Variants in COL6A5 observed in about 807,000 individuals in gnomAD.
COL6A5 encodes the protein collagen alpha-5(VI) chain.
A neutral mutation model predicts 65.6 loss-of-function variants in COL6A5; 48 were observed. That is an observed-to-expected ratio of 0.73 (90% CI 0.58 to 0.93). The LOEUF is 0.93. Among genes scored for constraint, COL6A5 ranks in the 40% least tolerant of loss-of-function variants. The probability of loss-of-function intolerance (pLI) is 0.00; values close to 1 mark genes in which losing one functional copy is unlikely to be tolerated. For missense variants in COL6A5, 914 were observed against 928.3 expected (o/e 0.98, Z 0.20); for synonymous variants, 291 against 322.8 (o/e 0.90, Z 1.05).
At chr3:130,367,624 T>C (rs558296314) in intron 1 of COL6A5, among the ~76,000 whole-genome samples, 1 of 152,340 alleles carries the variant, frequency 6.6e-6, no homozygotes, top group South Asian at 2.1e-4. Flanking sequence ...TTGTCTGTTT[T>C]GTCCACGGCT....
At chr3:130,456,005 G>C (rs549171241) in intron 5 of COL6A5, among the ~76,000 whole-genome samples, 11 of 151,984 alleles carry the variant, frequency 7.2e-5, no homozygotes, top group Non-Finnish European at 1.3e-4. Flanking sequence ...ACTTTTTTTT[G>C]GGGGGAGGAA....
chr3:130,480,681 A>G lies in COL6A5; in HGVS notation c.2329-3354A>G, dbSNP rs1294893518. Among the ~76,000 whole-genome samples the G allele has an allele frequency of 5.3e-5, 8 of 152,270 alleles. No homozygotes were observed. In the East Asian group the frequency reaches 1.2e-3, roughly 22 times the overall value. On this transcript the variant is annotated intron_variant, in intron 7 of 7. Coordinates refer to ENST00000512836, the Ensembl canonical transcript of COL6A5. ...CTTAAACTCATAACGAAAAAAATAG[A>G]TATTTAAAATGTCCAAGGCAAGAAG...
At chr3:130,352,161 G>A (rs1468948745) in intron 1 of COL6A5, among the ~76,000 whole-genome samples, 2 of 152,180 alleles carry the variant, frequency 1.3e-5, no homozygotes, top group Non-Finnish European at 2.9e-5. Context: ...CTGTCAGCAG[G>A]TGTGGGGCTG....
chr3:130,435,698 T>C (rs192456075), intron 1 of COL6A5, among the ~76,000 whole-genome samples: 2 of 152,274 alleles, frequency 1.3e-5, no homozygotes, highest in African/African-American at 4.8e-5. Context: ...TTTGTGGTGA[T>C]TGTAAATGGG....
At position 130,426,391 on chromosome 3, in the gene COL6A5, C is replaced by T. The variant is rs568404625; in HGVS notation, c.5224C>T (p.Arg1742Trp). Residue 1742 changes from arginine (R) to tryptophan (W), a missense_variant and NMD_transcript_variant, in exon 31 of 42, where the codon CGG (arginine) becomes TGG (tryptophan). Physicochemically the swap from Arg to Trp is moderately radical, Grantham distance 101 (BLOSUM62 -3). Coordinates refer to the COL6A5 transcript ENST00000312481. ...GCAATGTGATCTGATCCGGTTTTTG[C>T]GGGAACATAGTCGTGAGTATCTGTT... The T allele has an allele frequency of 5.8e-5, 90 of 1,551,086 alleles. No individual in the cohort carries two copies. In the African/African-American group the frequency reaches 8.2e-4, roughly 14 times the overall value.
At chr3:130,440,347 C>G in exon 3 of COL6A5, 1 of 1,613,402 alleles carries the variant, frequency 6.2e-7, no homozygotes. Context: ...TAATCTCAGA[C>G]TCTGGTGATA....
intron 7 of COL6A5, 68 bp from the exon 41 acceptor site, chr3:130,483,967 G>T: frequency 7.2e-7 from 1 of 1,397,426 alleles, no homozygotes. Context: ...TAAAGGAGTA[G>T]GCCCTGGAGG....
At chr3:130,363,791 C>T (rs1935227842) in intron 1 of COL6A5, among the ~76,000 whole-genome samples, 1 of 152,120 alleles carries the variant, frequency 6.6e-6, no homozygotes, top group Non-Finnish European at 1.5e-5. Context: ...TTAGACTTGT[C>T]CACATTGCAC....
chr3:130,484,402 C>A, exon 8 of COL6A5: 3 of 406,820 alleles, frequency 7.4e-6, no homozygotes, highest in Non-Finnish European at 4.3e-6. Flanking sequence ...ATTTTCAACA[C>A]ATCTGTATCT....
intron 5 of COL6A5, among the ~76,000 whole-genome samples, chr3:130,461,351 G>A (rs1709697768): frequency 6.6e-6 from 1 of 152,052 alleles, no homozygotes. Context: ...CAATGAATGA[G>A]GAATAATAGT....
chr3:130,482,243 C>G (rs2107629252), intron 7 of COL6A5, among the ~76,000 whole-genome samples: 1 of 152,226 alleles, frequency 6.6e-6, no homozygotes, highest in South Asian at 2.1e-4. Context: ...GGAAAGGGTC[C>G]AGTTTCAGTT....
exon 29 of COL6A5, chr3:130,423,849 C>CT (rs1398022544): frequency 1.3e-6 from 2 of 1,549,386 alleles, no homozygotes; most frequent in East Asian, 2.4e-5. Context: ...TCACTGTAGG[C>CT]TTGAAAGGTG....
At position 130,433,962 on chromosome 3, in the gene COL6A5, T is replaced by TA. The variant is rs113628121; in HGVS notation, c.487+2024dup. On this transcript the variant is annotated intron_variant, in intron 1 of 7. Transcript: ENST00000512836. ...GCCTTACCTTTTTTTTTATTTCTTC[T>TA]AAAAAAAAAAACAAAAACAAAAAAA... Among the ~76,000 whole-genome samples the TA allele has an allele frequency of 5.3e-3, 731 of 138,748 alleles. 8 individuals carry two copies. Among genetic ancestry groups the TA allele is most frequent in the African/African-American group, 0.016 (610 of 38,516 alleles). The allele number at this position is 138,748 out of a possible 152,430, so 91.0% of individuals were successfully genotyped here. A position where few individuals can be genotyped will look rare whatever the true frequency, so the allele number is the denominator to read the frequency against.
intron 6 of COL6A5, among the ~76,000 whole-genome samples, chr3:130,390,925 T>C (rs899484642): frequency 2.0e-5 from 3 of 152,178 alleles, no homozygotes; most frequent in African/African-American, 7.2e-5. Flanking sequence ...TGGTGTGGCA[T>C]AAGGACCAGC....
intron 11 of COL6A5, 62 bp downstream of exon 11, chr3:130,401,235 G>A (rs1559881208): frequency 1.4e-6 from 2 of 1,415,278 alleles, no homozygotes; most frequent in East Asian, 2.5e-5. Context: ...TTGGAATCTT[G>A]ATGAGAACTT....
chr3:130,397,719 C>G (rs997529870), exon 9 of COL6A5: 40 of 1,551,544 alleles, frequency 2.6e-5, no homozygotes, highest in Non-Finnish European at 3.4e-5. Flanking sequence ...AGGGGGTGAG[C>G]TGTGGGGCTG....
At chr3:130,471,761 C>G (rs1157127197) in intron 7 of COL6A5, 2 of 1,534,730 alleles carry the variant, frequency 1.3e-6, no homozygotes, top group East Asian at 4.9e-5. Context: ...ACAACATCTC[C>G]TTGTATTAGG....
upstream of COL6A5, among the ~76,000 whole-genome samples, chr3:130,428,615 G>T (rs968348175): frequency 6.6e-6 from 1 of 152,190 alleles, no homozygotes; most frequent in Non-Finnish European, 1.5e-5. Flanking sequence ...CGGGGTTTCT[G>T]CTTCTACGAC....
In COL6A5 at chr3:130,424,430, T is replaced by C. The variant is rs114271136; in HGVS notation, c.5163+530T>C. On this transcript the variant is annotated intron_variant and NMD_transcript_variant, in intron 29 of 41. Coordinates refer to the COL6A5 transcript ENST00000312481. Reference sequence around the variant, plus strand: ...ATATCTCCCACTGACGAAATAGCCATCTCTCTATTTTAGTGCCTCCCAGGT... The same window carrying C: ...ATATCTCCCACTGACGAAATAGCCACCTCTCTATTTTAGTGCCTCCCAGGT... 5.4e-3 allele frequency among the ~76,000 whole-genome samples: 827 copies of C among 152,180 alleles called. 8 individuals carry two copies. The highest frequency in any genetic ancestry group is 0.018 in the African/African-American group (740 of 41,548).
Sources: gnomAD v4.1 joint callset for allele counts (sites outside exome capture counted in the v4.1 genomes callset) on GRCh38, gnomAD v4.1.1 for gene constraint, MANE v1.5 for transcripts, NCBI Gene and HGNC (gene_info 2026-07-23, HGNC 2026-07-21) for gene names.